The following ASIC2 variants were observed in gnomAD, a reference collection of about 807,000 sequenced individuals.
ASIC2 encodes the protein acid-sensing ion channel 2.
In ASIC2, 25 loss-of-function variants were observed where a neutral mutation model predicts 57.3. The observed-to-expected ratio is 0.44, with a 90% CI of 0.32 to 0.61. The LOEUF (loss-of-function observed/expected upper bound fraction) is 0.61, where lower values mean the gene tolerates loss of function less well. Ranked by LOEUF, ASIC2 falls within the 20% of genes least tolerant of loss-of-function variation. The probability of loss-of-function intolerance (pLI) is 0.06; values close to 1 mark genes in which losing one functional copy is unlikely to be tolerated. For missense variants in ASIC2, 641 were observed against 738.1 expected, an observed-to-expected ratio of 0.87 and a Z score of 1.52; for synonymous variants, 319 against 307.5, an observed-to-expected ratio of 1.04 and a Z score of -0.39.
intron 1 of ASIC2, among the ~76,000 whole-genome samples, chr17:33,651,392 A>C (rs1400189784): frequency 6.6e-6 from 1 of 152,234 alleles, no homozygotes; most frequent in East Asian, 1.9e-4. Context: ...CCGAGAACAA[A>C]AAAGAAACCA....
intron 3 of ASIC2, among the ~76,000 whole-genome samples, chr17:33,070,710 C>A (rs1241806642): frequency 6.6e-6 from 1 of 152,030 alleles, no homozygotes; most frequent in Non-Finnish European, 1.5e-5. Flanking sequence ...TTGTGTGAAC[C>A]CATATTTCCA....
intron 1 of ASIC2, among the ~76,000 whole-genome samples, chr17:33,789,947 A>G (rs1368839983): frequency 6.6e-6 from 1 of 152,220 alleles, no homozygotes; most frequent in Non-Finnish European, 1.5e-5. Context: ...CTAGTGCAGA[A>G]TGACGTGGGT....
intron 3 of ASIC2, among the ~76,000 whole-genome samples, chr17:33,063,821 T>C (rs1039843016): frequency 1.3e-5 from 2 of 151,974 alleles, no homozygotes; most frequent in Admixed American, 1.3e-4. Context: ...TTTGGTCTTT[T>C]CACATAGTCC....
chr17:33,490,090 G>A (rs753189151), intron 1 of ASIC2, among the ~76,000 whole-genome samples: 7 of 152,136 alleles, frequency 4.6e-5, no homozygotes, highest in Non-Finnish European at 8.8e-5. Context: ...CCTACTACCT[G>A]TTTCTGTAAA....
At chr17:34,112,646 A>G (rs1174425857) in intron 1 of ASIC2, among the ~76,000 whole-genome samples, 1 of 152,146 alleles carries the variant, frequency 6.6e-6, no homozygotes, top group East Asian at 1.9e-4. Context: ...CTCTGCAGTG[A>G]AGCCAGCATG....
At chr17:34,117,024 A>G (rs74471933) in intron 1 of ASIC2, among the ~76,000 whole-genome samples, 4,182 of 152,194 alleles carry the variant, frequency 0.027, 219 homozygotes, top group African/African-American at 0.096. Flanking sequence ...GGCAGAGAAT[A>G]TGCACCTGGA....
At chr17:33,394,802 G>T (rs779811053) in intron 1 of ASIC2, among the ~76,000 whole-genome samples, 107 of 152,222 alleles carry the variant, frequency 7.0e-4, no homozygotes, top group African/African-American at 2.4e-3. Flanking sequence ...TGCTGGTATT[G>T]GTTGGTCATG....
intron 1 of ASIC2, among the ~76,000 whole-genome samples, chr17:33,473,882 C>T (rs556827502): frequency 9.2e-5 from 14 of 152,154 alleles, no homozygotes; most frequent in Admixed American, 7.9e-4. Context: ...CATGAGGGCA[C>T]CCCCTTCACC....
At chr17:33,959,429 G>A (rs747363926) in intron 1 of ASIC2, among the ~76,000 whole-genome samples, 2 of 152,184 alleles carry the variant, frequency 1.3e-5, no homozygotes, top group African/African-American at 2.4e-5. Context: ...CAATCACAAG[G>A]TGAAGTCCCA....
At chr17:33,732,281 C>G (rs549386290) in intron 1 of ASIC2, among the ~76,000 whole-genome samples, 5 of 152,270 alleles carry the variant, frequency 3.3e-5, no homozygotes, top group African/African-American at 1.2e-4. Flanking sequence ...GCCAGGAAGA[C>G]CAAAGGAGTC....
At chr17:33,914,768 A>T (rs932328723) in intron 1 of ASIC2, among the ~76,000 whole-genome samples, 2 of 152,164 alleles carry the variant, frequency 1.3e-5, no homozygotes, top group African/African-American at 4.8e-5. Context: ...GATGCCTTCC[A>T]TTGCTGAGAT....
chr17:33,041,643 T>C (rs1433764699), intron 3 of ASIC2, among the ~76,000 whole-genome samples: 1 of 152,234 alleles, frequency 6.6e-6, no homozygotes, highest in Non-Finnish European at 1.5e-5. Flanking sequence ...TGGCTAGGGC[T>C]GGCTTAAATG....
At chr17:33,625,991 A>G (rs866685817) in intron 1 of ASIC2, among the ~76,000 whole-genome samples, 5 of 152,204 alleles carry the variant, frequency 3.3e-5, no homozygotes, top group Non-Finnish European at 7.3e-5. Flanking sequence ...AGGGCCTTTC[A>G]TGTTGGTGGT....
intron 2 of ASIC2, among the ~76,000 whole-genome samples, chr17:33,096,647 T>C (rs2092180963): frequency 6.6e-6 from 1 of 151,870 alleles, no homozygotes; most frequent in Non-Finnish European, 1.5e-5. Flanking sequence ...CAGGTACACG[T>C]GTAACATCAG....
At chr17:33,300,637 C>T (rs1905918444) in intron 1 of ASIC2, among the ~76,000 whole-genome samples, 1 of 152,176 alleles carries the variant, frequency 6.6e-6, no homozygotes, top group South Asian at 2.1e-4. Flanking sequence ...TTTTCTCAGG[C>T]TAATTATAAC....
chr17:33,398,669 C>T (rs760451782), intron 1 of ASIC2, among the ~76,000 whole-genome samples: 2 of 152,026 alleles, frequency 1.3e-5, no homozygotes, highest in African/African-American at 2.4e-5. Context: ...CACCCTTGAA[C>T]CTCAGAGTCT....
chr17:33,236,393 C>T (rs758491240), intron 1 of ASIC2, among the ~76,000 whole-genome samples: 3 of 152,136 alleles, frequency 2.0e-5, no homozygotes, highest in Admixed American at 6.5e-5. Flanking sequence ...GTTGCCCAGG[C>T]TGGAGTGCAG....
intron 1 of ASIC2, among the ~76,000 whole-genome samples, chr17:33,420,900 T>C (rs1265356662): frequency 6.6e-6 from 1 of 152,204 alleles, no homozygotes; most frequent in Non-Finnish European, 1.5e-5. Context: ...GAGTTTAACA[T>C]AAACCTTAGC....
chr17:33,622,325 C>A lies in ASIC2; in HGVS notation c.556-510258G>T, dbSNP rs1034907758. The stretch of plus-strand genomic sequence containing the variant: ...AAGGAAAGCATAAAGAAACTTCTGT[C>A]GGGACTAGGCTTTAGGATTGAGTCA... On this transcript the variant is annotated intron_variant, in intron 1 of 9. Coordinates refer to the ASIC2 transcript ENST00000359872. Among the ~76,000 whole-genome samples the A allele has an allele frequency of 2.6e-5, 4 of 151,924 alleles. No individual in the cohort carries two copies. The South Asian group carries it at 6.2e-4, about 24-fold the overall frequency.
Sources: allele counts gnomAD v4.1 joint callset (sites outside exome capture counted in the v4.1 genomes callset), GRCh38; gene constraint gnomAD v4.1.1; transcripts MANE v1.5; gene names NCBI Gene and HGNC (gene_info 2026-07-23, HGNC 2026-07-21).